Variants in AP3D1 observed in about 807,000 individuals in gnomAD.
The protein encoded by AP3D1 is adaptor related protein complex 3 subunit delta 1.
A neutral mutation model predicts 147.6 loss-of-function variants in AP3D1; 51 were observed. The observed-to-expected ratio is 0.35, with a 90% CI of 0.28 to 0.44. The LOEUF (loss-of-function observed/expected upper bound fraction) is 0.44, where lower values mean the gene tolerates loss of function less well. Ranked by LOEUF, AP3D1 falls within the 20% of genes least tolerant of loss-of-function variation. AP3D1 has a pLI of 1.00. For missense variants in AP3D1, 1,421 were observed against 1,624.2 expected (o/e 0.87, Z 2.15); for synonymous variants, 760 against 663.0 (o/e 1.15, Z -2.25).
At chr19:2,156,419 T>G (rs1169076160), upstream of AP3D1, among the ~76,000 whole-genome samples, 1 of 151,418 alleles carries the variant, frequency 6.6e-6, no homozygotes, top group Non-Finnish European at 1.5e-5. Context: ...ACCAATCCAC[T>G]CATGCATCCA....
intron 25 of AP3D1, 100 bp from the exon 26 acceptor site, chr19:2,111,432 A>G (rs933434939): frequency 1.4e-6 from 2 of 1,467,442 alleles, no homozygotes; most frequent in African/African-American, 1.4e-5. Context: ...CCACGACTCC[A>G]AGAATGCTTG....
chr19:2,132,552 G>C lies in AP3D1; in HGVS notation c.381C>G (p.Asp127Glu), dbSNP rs1288740739. The C allele has an allele frequency of 6.2e-7, 1 of 1,610,236 alleles. No individual in the cohort carries two copies. The highest frequency in any genetic ancestry group is 1.3e-5 in the African/African-American group (1 of 74,880). ...ACAGACCCGTCAGTGCAACACCTGT[G>C]TCGTACTGGCTGGGGCTGCTCAAGT... ...RKDLSSPSQY[D>E]TGVALTGLSC... The change falls in exon 5 of 32, where the codon GAC becomes GAG. Residue 127 changes from aspartate to glutamate, a missense_variant. Asp to Glu is a conservative substitution (Grantham distance 45). This residue lies in a region of AP3D1 where 292 missense variants were observed against 412.0 expected (regional missense o/e 0.71). Coordinates refer to ENST00000643116, the MANE Select transcript of AP3D1 (RefSeq NM_001261826.3).
At chr19:2,126,267 C>T (rs1440684070) in intron 9 of AP3D1, among the ~76,000 whole-genome samples, 2 of 152,194 alleles carry the variant, frequency 1.3e-5, no homozygotes, top group Non-Finnish European at 2.9e-5. Flanking sequence ...CTTTGGCTGA[C>T]TTGGAGCAGC....
intron 1 of AP3D1, among the ~76,000 whole-genome samples, chr19:2,158,409 T>C (rs117761503): frequency 0.045 from 6,703 of 150,082 alleles, 219 homozygotes; most frequent in East Asian, 0.14. Context: ...TGGGTTGTAG[T>C]GGAGTGGCAC....
At chr19:2,117,098 A>G in intron 16 of AP3D1, 124 bp downstream of exon 16, 1 of 1,255,586 alleles carries the variant, frequency 8.0e-7, no homozygotes, top group Non-Finnish European at 1.1e-6. Flanking sequence ...TACCCGCCTG[A>G]GGCCTCCAAT....
chr19:2,128,490 C>T (rs538755151), intron 8 of AP3D1, among the ~76,000 whole-genome samples: 3 of 134,226 alleles, frequency 2.2e-5, no homozygotes, highest in Admixed American at 7.2e-5. Flanking sequence ...CGACACTGCA[C>T]CCCGTGGAGC....
intron 31 of AP3D1, among the ~76,000 whole-genome samples, chr19:2,108,459 G>A (rs2018172102): frequency 6.6e-6 from 1 of 152,218 alleles, no homozygotes; most frequent in Non-Finnish European, 1.5e-5. Flanking sequence ...GGAGCCATGT[G>A]TCAGCCTGCG....
At position 2,137,056 on chromosome 19, in the gene AP3D1, G is replaced by C; in HGVS notation, c.309C>G (p.His103Gln). Residue 103 changes from histidine to glutamine, a missense_variant, in exon 4 of 32, where the codon CAC becomes CAG. Around this residue, in one of 6 missense-constraint regions of AP3D1, gnomAD observed 292 missense variants for 412.0 expected, o/e 0.71. Coordinates refer to ENST00000643116, the MANE Select transcript of AP3D1 (RefSeq NM_001261826.3). Reference sequence around the variant, plus strand: ...TCAGCATGATGACGTCGGTGCCTTCGTGAAAGCTCTGGGAAGCAGCGAGGT... The same window carrying C: ...TCAGCATGATGACGTCGGTGCCTTCCTGAAAGCTCTGGGAAGCAGCGAGGT... ...IGYLAASQSFHEGTDVIMLTT... is the reference protein window; with the variant it reads ...IGYLAASQSFQEGTDVIMLTT... 2 of 1,596,492 alleles carry C rather than the reference G, an allele frequency of 1.3e-6. No homozygotes were observed. Among genetic ancestry groups the C allele is most frequent in the Non-Finnish European group, 1.7e-6 (2 of 1,171,768 alleles).
rs141096466 is a variant in AP3D1, at chr19:2,112,171, C to T, written c.2788-343G>A. 504 of 351,460 alleles carry T rather than the reference C, an allele frequency of 1.4e-3. 6 individuals carry two copies. The highest frequency in any genetic ancestry group is 8.6e-3 in the African/African-American group (415 of 48,288). 21.8% of individuals were successfully genotyped at this position (351,460 alleles called of 1,614,324 possible). Reference sequence around the variant, plus strand: ...CCGAGAGGGAACACACACATCCACGCGCACTGCGCAGATGTTCAAAGCGGC... The same window carrying T: ...CCGAGAGGGAACACACACATCCACGTGCACTGCGCAGATGTTCAAAGCGGC... On this transcript the variant is annotated intron_variant, in intron 24 of 31. Transcript: ENST00000643116.
At chr19:2,110,018 G>C (rs1272567184) in intron 28 of AP3D1, 60 bp from the exon 29 acceptor site, 4 of 1,599,052 alleles carry the variant, frequency 2.5e-6, no homozygotes, top group African/African-American at 2.7e-5. Context: ...CAGGGCTCAG[G>C]GTTCCCCAGG....
chr19:2,122,625 A>T (rs1409722796), intron 11 of AP3D1, among the ~76,000 whole-genome samples: 1 of 152,246 alleles, frequency 6.6e-6, no homozygotes, highest in African/African-American at 2.4e-5. Flanking sequence ...AGAAATGAAC[A>T]ACTAATAGTA....
Position 2,121,259 on chromosome 19 carries a change from T to C in AP3D1, c.1154A>G (p.Asp385Gly). The change falls in exon 13 of 32, where the codon GAC becomes GGC. Residue 385 changes from aspartate (D) to glycine (G), a missense_variant. Physicochemically the swap from Asp to Gly is moderately conservative, Grantham distance 94. Transcript: ENST00000643116. ...EIVKKLMTHV[D>G]KAEGTTYRDE... Reference sequence around the variant, plus strand: ...ACGGTAGGTGGTACCCTCTGCCTTGTCTACGTGGGTCATCAGCTTCTTCAC... The same window carrying C: ...ACGGTAGGTGGTACCCTCTGCCTTGCCTACGTGGGTCATCAGCTTCTTCAC... 6.2e-7 allele frequency: 1 copy of C among 1,614,182 alleles called. No homozygotes were observed. Among genetic ancestry groups the C allele is most frequent in the East Asian group, 2.2e-5 (1 of 44,886 alleles).
chr19:2,132,535 G>T lies in AP3D1; in HGVS notation c.398C>A (p.Thr133Lys). Reference protein sequence around the residue: ...PSQYDTGVALTGLSCFVTPDL... With the variant: ...PSQYDTGVALKGLSCFVTPDL... ...TGGGGTGACGAAGCAGGACAGACCCGTCAGTGCAACACCTGTGTCGTACTG... is the reference window on the plus strand; with the variant it reads ...TGGGGTGACGAAGCAGGACAGACCCTTCAGTGCAACACCTGTGTCGTACTG... The change falls in exon 5 of 32, where the codon ACG (threonine) becomes AAG (lysine). Residue 133 changes from threonine (T) to lysine (K), a missense_variant. By Grantham distance (78) the Thr-to-Lys change is moderately conservative. Transcript: ENST00000643116. 1 of 1,611,658 alleles carries T rather than the reference G, an allele frequency of 6.2e-7. No individual in the cohort carries two copies. The highest frequency in any genetic ancestry group is 8.5e-7 in the Non-Finnish European group (1 of 1,178,024).
chr19:2,131,850 G>A lies in AP3D1; in HGVS notation c.462+621C>T, dbSNP rs530433550. Among the ~76,000 whole-genome samples the A allele has an allele frequency of 1.4e-3, 217 of 150,084 alleles. 8 individuals carry two copies. The highest frequency in any genetic ancestry group is 5.0e-3 in the African/African-American group (198 of 39,482). Reference sequence around the variant, plus strand: ...GGACAGGCAGCCACGCGGGGACAGCGCCCATCGGCCACGATCTAGACACCT... The same window carrying A: ...GGACAGGCAGCCACGCGGGGACAGCACCCATCGGCCACGATCTAGACACCT... On this transcript the variant is annotated intron_variant, in intron 5 of 31. Transcript: ENST00000643116.
chr19:2,111,552 C>G lies in AP3D1; in HGVS notation c.2937+127G>C, dbSNP rs1488256802. 3 of 1,338,500 alleles carry G rather than the reference C, an allele frequency of 2.2e-6. No homozygotes were observed. In the African/African-American group the frequency reaches 4.4e-5, roughly 20 times the overall value. The allele number at this position is 1,338,500 out of a possible 1,614,324, so 82.9% of individuals were successfully genotyped here. A position where few individuals can be genotyped will look rare whatever the true frequency, so the allele number is the denominator to read the frequency against. The stretch of plus-strand genomic sequence containing the variant: ...TGCGGGCCAGGGCCAGTCCCCTGCC[C>G]CCGCCAGGCTCGGCTTCTTCTCGAA... On this transcript the variant is annotated intron_variant, in intron 25 of 31. Coordinates refer to ENST00000643116, the MANE Select transcript of AP3D1 (RefSeq NM_001261826.3).
intron 3 of AP3D1, 126 bp from the exon 4 acceptor site, chr19:2,137,217 T>C (rs1189018168): frequency 1.0e-5 from 8 of 785,224 alleles, no homozygotes; most frequent in Admixed American, 4.5e-5. Flanking sequence ...GCCTGGACGC[T>C]GGGGCCACCA....
At chr19:2,138,164 T>C (rs1249666756) in intron 2 of AP3D1, among the ~76,000 whole-genome samples, 1 of 152,164 alleles carries the variant, frequency 6.6e-6, no homozygotes, top group Non-Finnish European at 1.5e-5. Flanking sequence ...GACGAGCCCT[T>C]TGTCTCGTCC....
At chr19:2,137,320 T>C (rs1274002420) in intron 3 of AP3D1, among the ~76,000 whole-genome samples, 1 of 151,926 alleles carries the variant, frequency 6.6e-6, no homozygotes, top group African/African-American at 2.4e-5. Context: ...ATGTGTTTTT[T>C]TTTTTTTCTT....
intron 31 of AP3D1, among the ~76,000 whole-genome samples, chr19:2,105,927 T>C (rs1007496138): frequency 2.0e-5 from 3 of 151,944 alleles, no homozygotes; most frequent in African/African-American, 7.3e-5. Context: ...AAACCCCGTC[T>C]CTACTAAAGA....
Sources: gnomAD v4.1 joint callset for allele counts (sites outside exome capture counted in the v4.1 genomes callset) on GRCh38, gnomAD v4.1.1 for gene constraint, gnomAD v4.1.1 regional missense constraint, MANE v1.5 for transcripts, NCBI Gene and HGNC (gene_info 2026-07-23, HGNC 2026-07-21) for gene names.